GALNT13: variants seen among roughly 807,000 people sequenced by gnomAD.
GALNT13 encodes the protein UDP-GalNAc:polypeptide N-acetylgalactosaminyltransferase 13.
In GALNT13, 28 loss-of-function variants were observed where a neutral mutation model predicts 64.2. That is an observed-to-expected ratio of 0.44 (90% CI 0.32 to 0.60). The LOEUF (loss-of-function observed/expected upper bound fraction) is 0.60. Ranked by LOEUF, GALNT13 falls within the 20% of genes least tolerant of loss-of-function variation. The pLI, the probability that GALNT13 is intolerant of heterozygous loss-of-function variation, is 0.05. For synonymous variants in GALNT13, 214 were observed against 224.6 expected (o/e 0.95, Z 0.42); for missense variants, 577 against 669.8 (o/e 0.86, Z 1.53).
chr2:153,198,760 T>A, the GALNT13 span, among the ~76,000 whole-genome samples: 1 of 152,194 alleles, frequency 6.6e-6, no homozygotes, highest in African/African-American at 2.4e-5. Flanking sequence ...AGATCAGGGA[T>A]AATGAAACAA....
chr2:154,405,216 G>A (rs565412374), intron 10 of GALNT13, among the ~76,000 whole-genome samples: 1 of 152,056 alleles, frequency 6.6e-6, no homozygotes, highest in African/African-American at 2.4e-5. Context: ...ATGCAGGAAA[G>A]AATTAGAAAT....
the GALNT13 span, among the ~76,000 whole-genome samples, chr2:153,502,926 A>AT: frequency 2.6e-5 from 4 of 151,950 alleles, no homozygotes; most frequent in African/African-American, 9.7e-5. Context: ...CACTGATGTG[A>AT]TTTTTTTAAA....
At chr2:153,150,868 T>C in the GALNT13 span, among the ~76,000 whole-genome samples, 1 of 152,158 alleles carries the variant, frequency 6.6e-6, no homozygotes, top group Admixed American at 6.5e-5. Context: ...CTATTTTAGT[T>C]ACTGTAGCCT....
the GALNT13 span, among the ~76,000 whole-genome samples, chr2:153,262,184 C>A: frequency 6.6e-6 from 1 of 152,134 alleles, no homozygotes; most frequent in African/African-American, 2.4e-5. Context: ...TACCTGAAGC[C>A]AGCAGAACTC....
At chr2:153,823,293 T>A in the GALNT13 span, among the ~76,000 whole-genome samples, 1 of 152,044 alleles carries the variant, frequency 6.6e-6, no homozygotes, top group Non-Finnish European at 1.5e-5. Context: ...CATATGGAAC[T>A]CAAAAAGTGC....
the GALNT13 span, among the ~76,000 whole-genome samples, chr2:153,581,447 C>T: frequency 6.6e-6 from 1 of 151,792 alleles, no homozygotes; most frequent in Admixed American, 6.6e-5. Context: ...TTGTAGAACA[C>T]AAATATTTTC....
the GALNT13 span, among the ~76,000 whole-genome samples, chr2:153,112,289 T>C: frequency 6.6e-6 from 1 of 152,138 alleles, no homozygotes; most frequent in Non-Finnish European, 1.5e-5. Flanking sequence ...GTAAGTGCTC[T>C]ACTCATCCTA....
At chr2:154,215,297 C>G (rs551260010) in intron 4 of GALNT13, among the ~76,000 whole-genome samples, 22 of 152,252 alleles carry the variant, frequency 1.4e-4, no homozygotes, top group African/African-American at 5.3e-4. Flanking sequence ...TGTTGACCTT[C>G]CAATCTAGTT....
the GALNT13 span, among the ~76,000 whole-genome samples, chr2:153,116,679 T>C: frequency 1.5e-3 from 229 of 152,242 alleles, 4 homozygotes; most frequent in South Asian, 0.047. Context: ...GCTTTGATTA[T>C]TCTCAAGGAA....
intron 3 of GALNT13, among the ~76,000 whole-genome samples, chr2:153,969,359 T>TA (rs1166576900): frequency 6.6e-6 from 1 of 151,984 alleles, no homozygotes; most frequent in African/African-American, 2.4e-5. Context: ...AAAAATTACC[T>TA]AAAAAAATAT....
At chr2:153,749,972 T>A in the GALNT13 span, among the ~76,000 whole-genome samples, 1 of 151,880 alleles carries the variant, frequency 6.6e-6, no homozygotes, top group South Asian at 2.1e-4. Flanking sequence ...GCCTGTCATA[T>A]ATTGCTTTTA....
chr2:153,093,241 CT>C, the GALNT13 span, among the ~76,000 whole-genome samples: 12 of 139,418 alleles, frequency 8.6e-5, no homozygotes, highest in African/African-American at 1.1e-4. Context: ...CTTTTCTTTT[CT>C]TTTTTTTTTT....
At chr2:154,103,563 C>T (rs752417616) in intron 3 of GALNT13, among the ~76,000 whole-genome samples, 25 of 152,242 alleles carry the variant, frequency 1.6e-4, no homozygotes, top group African/African-American at 2.2e-4. Flanking sequence ...TTTTGTACTG[C>T]TGGAGTTCTT....
intron 3 of GALNT13, among the ~76,000 whole-genome samples, chr2:154,132,734 T>TAA (rs533770631): frequency 3.5e-5 from 5 of 143,848 alleles, no homozygotes; most frequent in Non-Finnish European, 6.1e-5. Context: ...CATGAAAAAA[T>TAA]AAAAAAAAAA....
At position 154,269,908 on chromosome 2, in the gene GALNT13, A is replaced by G. The variant is rs1043911692; in HGVS notation, c.975+10770A>G. Among the ~76,000 whole-genome samples the G allele has an allele frequency of 1.2e-3, 64 of 52,898 alleles. 1 individual carries two copies. Among genetic ancestry groups the G allele is most frequent in the Admixed American group, 2.7e-3 (9 of 3,276 alleles). The allele number at this position is 52,898 out of a possible 152,430, so 34.7% of individuals were successfully genotyped here. ...CATATATATATTTATATATATGTGT[A>G]TATATATATATATATATTTCTAAAG... is the stretch of plus-strand genomic sequence containing the variant. On this transcript the variant is annotated intron_variant, in intron 8 of 12. Transcript: ENST00000392825.
intron 8 of GALNT13, among the ~76,000 whole-genome samples, chr2:154,300,797 A>G (rs1693398446): frequency 6.6e-6 from 1 of 152,184 alleles, no homozygotes; most frequent in Non-Finnish European, 1.5e-5. Flanking sequence ...GAATAATTGT[A>G]ATCAGTCCTA....
At chr2:153,528,739 GAATAAAAC>G in the GALNT13 span, among the ~76,000 whole-genome samples, 2 of 151,802 alleles carry the variant, frequency 1.3e-5, no homozygotes, top group African/African-American at 4.8e-5. Context: ...GACCAGCACA[GAATAAAAC>G]TAGAAATCAG....
At chr2:154,030,029 AAGT>A (rs1459348027) in intron 3 of GALNT13, among the ~76,000 whole-genome samples, 4 of 152,110 alleles carry the variant, frequency 2.6e-5, no homozygotes, top group Non-Finnish European at 5.9e-5. Context: ...ATCTTCTGGG[AAGT>A]AGTCTTAAAT....
At chr2:153,249,871 T>A in the GALNT13 span, among the ~76,000 whole-genome samples, 1 of 152,176 alleles carries the variant, frequency 6.6e-6, no homozygotes, top group African/African-American at 2.4e-5. Flanking sequence ...TATACAAAAA[T>A]TAATTCATGT....
Sources: gnomAD v4.1 joint callset for allele counts (sites outside exome capture counted in the v4.1 genomes callset) on GRCh38, gnomAD v4.1.1 for gene constraint, MANE v1.5 for transcripts, NCBI Gene and HGNC (gene_info 2026-07-23, HGNC 2026-07-21) for gene names.